ESCO2: variants seen among roughly 807,000 people sequenced by gnomAD.
The protein encoded by ESCO2 is N-acetyltransferase ESCO2.
In ESCO2, 51 loss-of-function variants were observed where a neutral mutation model predicts 61.7. The observed-to-expected ratio is 0.83, with a 90% CI of 0.66 to 1.04. The LOEUF is 1.04. Among genes scored for constraint, ESCO2 ranks in the 50% least tolerant of loss-of-function variants. ESCO2 has a pLI of 0.00. For synonymous variants in ESCO2, 230 were observed against 238.2 expected, an observed-to-expected ratio of 0.97 and a Z score of 0.32; for missense variants, 692 against 686.2, an observed-to-expected ratio of 1.01 and a Z score of -0.09.
At chr8:27,787,328 GT>G (rs74373717) in intron 5 of ESCO2, among the ~76,000 whole-genome samples, 22,964 of 145,064 alleles carry the variant, frequency 0.16, 2,180 homozygotes, top group East Asian at 0.37. Context: ...ATATGTTTTT[GT>G]TTTTTTTTTT....
chr8:27,810,457 C>T, downstream of ESCO2: 2 of 1,608,264 alleles, frequency 1.2e-6, no homozygotes, highest in Non-Finnish European at 1.7e-6. Flanking sequence ...CCCAACGCTG[C>T]ATAGTATGCT....
At chr8:27,790,994 T>G (rs941837863) in intron 7 of ESCO2, among the ~76,000 whole-genome samples, 1 of 152,230 alleles carries the variant, frequency 6.6e-6, no homozygotes, top group African/African-American at 2.4e-5. Flanking sequence ...TCTGCACATT[T>G]ACTCTTTCAA....
At chr8:27,816,343 C>CTTATATATATATA (rs1554559818), downstream of ESCO2, among the ~76,000 whole-genome samples, 8 of 136,380 alleles carry the variant, frequency 5.9e-5, no homozygotes, top group African/African-American at 2.3e-4. Context: ...TCATCGAATA[C>CTTATATATATATA]TATATATATA....
chr8:27,802,656 T>A (rs1302152144), intron 10 of ESCO2, among the ~76,000 whole-genome samples: 68 of 63,502 alleles, frequency 1.1e-3, no homozygotes, highest in African/African-American at 2.8e-3. Context: ...TATATATATA[T>A]TATATATATA....
At chr8:27,811,167 G>A, downstream of ESCO2, 1 of 1,609,412 alleles carries the variant, frequency 6.2e-7, no homozygotes, top group Non-Finnish European at 8.5e-7. Context: ...GAAGGCAGGA[G>A]CTACAAATCA....
chr8:27,803,679 G>A lies in ESCO2; in HGVS notation c.*241G>A. On this transcript the variant is annotated 3_prime_UTR_variant, in exon 11 of 11. Coordinates refer to ENST00000305188, the MANE Select transcript of ESCO2 (RefSeq NM_001017420.3). ...AAATCTTTGGGTGATTCCCTGATTA[G>A]CACTCTGAATGTTTAATTATGAAAC... The A allele has an allele frequency of 7.7e-7, 1 of 1,296,764 alleles. No individual in the cohort carries two copies. The highest frequency in any genetic ancestry group is 9.8e-7 in the Non-Finnish European group (1 of 1,023,968). The allele number at this position is 1,296,764 out of a possible 1,614,324, so 80.3% of individuals were successfully genotyped here.
At chr8:27,801,719 C>T (rs1262763611) in intron 10 of ESCO2, among the ~76,000 whole-genome samples, 1 of 152,056 alleles carries the variant, frequency 6.6e-6, no homozygotes, top group East Asian at 1.9e-4. Flanking sequence ...TTGTCAAGAT[C>T]TATTAAGTTC....
chr8:27,814,032 AAT>A (rs1388344198), downstream of ESCO2, among the ~76,000 whole-genome samples: 5 of 152,160 alleles, frequency 3.3e-5, no homozygotes, highest in African/African-American at 1.2e-4. Context: ...GATGTCCTAC[AAT>A]GTGTCAGGTT....
chr8:27,772,192 G>A (rs1804646317), upstream of ESCO2: 2 of 482,928 alleles, frequency 4.1e-6, no homozygotes, highest in Non-Finnish European at 7.4e-6. Context: ...CTTGGGATAA[G>A]GTGTGTGGAG....
the ESCO2 span, among the ~76,000 whole-genome samples, chr8:27,818,753 T>C: frequency 3.3e-5 from 5 of 152,126 alleles, no homozygotes; most frequent in Non-Finnish European, 5.9e-5. Flanking sequence ...TTTTTTTAAA[T>C]GGAGGTACCC....
intron 5 of ESCO2, among the ~76,000 whole-genome samples, chr8:27,786,213 G>A (rs6984004): frequency 0.015 from 2,212 of 152,314 alleles, 49 homozygotes; most frequent in African/African-American, 0.045. Flanking sequence ...GTGGACGAAC[G>A]CAGAAATGAA....
At chr8:27,796,285 T>C (rs1047446878) in intron 9 of ESCO2, among the ~76,000 whole-genome samples, 12 of 152,114 alleles carry the variant, frequency 7.9e-5, no homozygotes, top group African/African-American at 2.9e-4. Flanking sequence ...TAATGTCTCC[T>C]CTTTCATTTG....
chr8:27,802,631 ATATATAT>A (rs1387774987), intron 10 of ESCO2, among the ~76,000 whole-genome samples: 16 of 38,734 alleles, frequency 4.1e-4, no homozygotes, highest in African/African-American at 5.9e-4. Context: ...AAAAAAAAAA[ATATATAT>A]ATATATATAT....
chr8:27,772,471 C>T, upstream of ESCO2: 2 of 1,545,210 alleles, frequency 1.3e-6, no homozygotes, highest in Non-Finnish European at 1.8e-6. Context: ...GCTTCGGAGC[C>T]CGCTGTCCAG....
rs138646734 is a variant in ESCO2 at position 27,784,048 on chromosome 8, A to G, written c.1004A>G (p.Asn335Ser). 2.8e-5 allele frequency: 45 copies of G among 1,613,398 alleles called. No individual in the cohort carries two copies. In the African/African-American group the frequency reaches 4.3e-4, roughly 15 times the overall value. ...CCAATCTTCAGTGCATCTTCAGTCAATTCAAAAAGGTGAGAATTGTTATTG... is the reference window on the plus strand; with the variant it reads ...CCAATCTTCAGTGCATCTTCAGTCAGTTCAAAAAGGTGAGAATTGTTATTG... ...VYPIFSASSV[N>S]SKRSLGEEQF... The change falls in exon 5 of 11, where the codon AAT becomes AGT. Residue 335 changes from asparagine (N) to serine (S), a missense_variant. Asn to Ser is a conservative substitution (Grantham distance 46). Transcript: ENST00000305188.
intron 10 of ESCO2, 22 bp downstream of exon 10, chr8:27,799,738 G>GA: frequency 6.2e-7 from 1 of 1,613,498 alleles, no homozygotes; most frequent in South Asian, 1.1e-5. Context: ...AATGGATCTA[G>GA]ATCCAGAACC....
chr8:27,808,038 G>A (rs1402688805), downstream of ESCO2, among the ~76,000 whole-genome samples: 1 of 152,128 alleles, frequency 6.6e-6, no homozygotes, highest in Non-Finnish European at 1.5e-5. Flanking sequence ...GAGGCACCTC[G>A]TTTATGGTAT....
At chr8:27,805,553 C>G (rs560991450), downstream of ESCO2, among the ~76,000 whole-genome samples, 8 of 152,170 alleles carry the variant, frequency 5.3e-5, no homozygotes, top group South Asian at 8.3e-4. Flanking sequence ...ATACAAGAAG[C>G]AAGTGCACTG....
rs1254079024 is a variant in ESCO2, at chr8:27,776,515, A to G, written c.207A>G (p.Pro69=). The part of the protein sequence containing the change: ...ALKTTEINRL[P]SANQGSPFKS... ...AAACAACTGAAATAAATAGACTGCC[A>G]TCAGCAAATCAAGGCTCACCATTTA... is the stretch of plus-strand genomic sequence containing the variant. The change falls in exon 3 of 11, where the codon CCA becomes CCG. Residue 69 remains proline (P), a synonymous_variant. Coordinates refer to ENST00000305188, the MANE Select transcript of ESCO2 (RefSeq NM_001017420.3). 1 of 1,614,058 alleles carries G rather than the reference A, an allele frequency of 6.2e-7. No individual in the cohort carries two copies. Among genetic ancestry groups the G allele is most frequent in the Non-Finnish European group, 8.5e-7 (1 of 1,180,000 alleles).
Sources: gnomAD v4.1 joint callset for allele counts (sites outside exome capture counted in the v4.1 genomes callset) on GRCh38, gnomAD v4.1.1 for gene constraint, MANE v1.5 for transcripts, NCBI Gene and HGNC (gene_info 2026-07-23, HGNC 2026-07-21) for gene names.